CYTIP: variants seen among roughly 807,000 people sequenced by gnomAD.
CYTIP encodes the protein cytohesin 1 interacting protein.
A neutral mutation model predicts 43.8 loss-of-function variants in CYTIP; 26 were observed. The observed-to-expected ratio is 0.59, with a 90% confidence interval of 0.44 to 0.82. The LOEUF (loss-of-function observed/expected upper bound fraction) is 0.82, where lower values mean the gene tolerates loss of function less well. Among genes scored for constraint, CYTIP ranks in the 40% least tolerant of loss-of-function variants. The pLI is 0.00. For synonymous variants in CYTIP, 162 were observed against 162.9 expected, an observed-to-expected ratio of 0.99 and a Z score of 0.04; for missense variants, 426 against 443.1, an observed-to-expected ratio of 0.96 and a Z score of 0.35.
Position 157,443,906 on chromosome 2 carries a change from T to C in CYTIP, c.115A>G (p.Asn39Asp). ...TLTGSLTMDD[N>D]RRIQMLADTV... ...TCTGCTAGCATTTGAATCCTTCTAT[T>C]ATCGTCCATCGTAAGGCTGCCGGTG... Residue 39 changes from asparagine to aspartate, a missense_variant, in exon 1 of 8, where the codon AAT (asparagine) becomes GAT (aspartate). Physicochemically the swap from Asn to Asp is conservative, Grantham distance 23 (BLOSUM62 1). Coordinates refer to ENST00000264192, the MANE Select transcript of CYTIP (RefSeq NM_004288.5). 1 of 1,614,136 alleles carries C rather than the reference T, an allele frequency of 6.2e-7. No homozygotes were observed. Among genetic ancestry groups the C allele is most frequent in the Non-Finnish European group, 8.5e-7 (1 of 1,179,992 alleles).
At position 157,434,709 on chromosome 2, in the gene CYTIP, G is replaced by A; in HGVS notation, c.213C>T (p.Ser71=). The change falls in exon 2 of 8, where the codon TCC becomes TCT. Residue 71 remains serine (S), a synonymous_variant. Transcript: ENST00000264192. ...LTRSSSLSDF[S]WSQRKLVTVE... Reference sequence around the variant, plus strand: ...TTCAATCTCTTTACCTTTGAGACCAGGAAAAGTCACTTAAAGAACTTGATC... The same window carrying A: ...TTCAATCTCTTTACCTTTGAGACCAAGAAAAGTCACTTAAAGAACTTGATC... The A allele has an allele frequency of 6.2e-7, 1 of 1,610,694 alleles. No individual in the cohort carries two copies. Among genetic ancestry groups the A allele is most frequent in the Non-Finnish European group, 8.5e-7 (1 of 1,178,236 alleles).
chr2:157,439,798 T>C (rs155588), intron 1 of CYTIP, among the ~76,000 whole-genome samples: 151,176 of 152,332 alleles, frequency 0.99, 75,025 homozygotes, highest in Middle Eastern at 1. Flanking sequence ...GTTGGGCTTA[T>C]GATCACTCTT....
chr2:157,442,474 A>C (rs1685933139), intron 1 of CYTIP, among the ~76,000 whole-genome samples: 2 of 5,660 alleles, frequency 3.5e-4, no homozygotes, highest in African/African-American at 3.9e-3. Flanking sequence ...GTCTCCAGCA[A>C]AAAAAAAAAA....
chr2:157,429,978 G>A (rs998655106), intron 5 of CYTIP, among the ~76,000 whole-genome samples: 3 of 149,332 alleles, frequency 2.0e-5, no homozygotes, highest in African/African-American at 7.5e-5. Flanking sequence ...AGCCAAGATC[G>A]CGCCACTGCA....
At chr2:157,429,044 TAGG>T (rs1558939321) in intron 5 of CYTIP, among the ~76,000 whole-genome samples, 1 of 152,116 alleles carries the variant, frequency 6.6e-6, no homozygotes, top group Non-Finnish European at 1.5e-5. Context: ...CATCTATAAA[TAGG>T]AATAAAATTA....
intron 1 of CYTIP, among the ~76,000 whole-genome samples, chr2:157,441,021 G>A (rs1685899018): frequency 1.3e-5 from 2 of 152,026 alleles, no homozygotes; most frequent in Admixed American, 1.3e-4. Context: ...CAGGTAGTGA[G>A]ATAATATGCA....
chr2:157,424,112 G>A (rs537169891), intron 6 of CYTIP, among the ~76,000 whole-genome samples: 6 of 152,226 alleles, frequency 3.9e-5, no homozygotes, highest in Admixed American at 1.3e-4. Context: ...GTATGGTAGC[G>A]CCTAAGCTGT....
In CYTIP at chr2:157,440,930, T is replaced by A. The variant is rs1685897891; in HGVS notation, c.174+2917A>T. On this transcript the variant is annotated intron_variant, in intron 1 of 7. Transcript: ENST00000264192. ...GTCTCCTTCCTACCGAGCTTTCCAT[T>A]GCAAAGATTTTTTTTTTTTGTCCTA... Among the ~76,000 whole-genome samples the A allele has an allele frequency of 3.3e-5, 5 of 152,044 alleles. No individual in the cohort carries two copies. The South Asian group carries it at 1.0e-3, about 32-fold the overall frequency.
At chr2:157,429,680 T>A (rs947141518) in intron 5 of CYTIP, among the ~76,000 whole-genome samples, 21 of 152,258 alleles carry the variant, frequency 1.4e-4, no homozygotes, top group African/African-American at 4.8e-4. Flanking sequence ...CTAGTATTGT[T>A]ATGGTAGAAA....
intron 6 of CYTIP, among the ~76,000 whole-genome samples, chr2:157,424,855 G>T (rs1685579010): frequency 6.6e-6 from 1 of 152,038 alleles, no homozygotes; most frequent in Non-Finnish European, 1.5e-5. Flanking sequence ...TTGACCCACG[G>T]ATCATATTAG....
intron 5 of CYTIP, among the ~76,000 whole-genome samples, 200 bp from the exon 6 acceptor site, chr2:157,427,620 G>A (rs1299721151): frequency 2.0e-5 from 3 of 152,168 alleles, no homozygotes; most frequent in South Asian, 4.1e-4. Context: ...AAGAAAATGG[G>A]GGAAAACTCC....
chr2:157,415,608 C>T lies in CYTIP; in HGVS notation c.*69G>A, dbSNP rs989906834. 23 of 1,107,062 alleles carry T rather than the reference C, an allele frequency of 2.1e-5. No homozygotes were observed. The highest frequency in any genetic ancestry group is 2.0e-4 in the Middle Eastern group (1 of 4,900). The allele number at this position is 1,107,062 out of a possible 1,614,324, so 68.6% of individuals were successfully genotyped here. A position where few individuals can be genotyped will look rare whatever the true frequency, so the allele number is the denominator to read the frequency against. On this transcript the variant is annotated 3_prime_UTR_variant, in exon 8 of 8. Coordinates refer to ENST00000264192, the MANE Select transcript of CYTIP (RefSeq NM_004288.5). The stretch of plus-strand genomic sequence containing the variant: ...TTGCAATTCTTCTGCACTTTCCCAC[C>T]AAGCTGGGATCTGGGTGAGTCTAGA...
At chr2:157,420,739 C>CA in intron 6 of CYTIP, among the ~76,000 whole-genome samples, 1 of 147,236 alleles carries the variant, frequency 6.8e-6, no homozygotes, top group South Asian at 2.2e-4. Context: ...ATATGAAGGT[C>CA]AAAATTAGGG....
intron 1 of CYTIP, among the ~76,000 whole-genome samples, chr2:157,437,784 A>G (rs536295327): frequency 2.6e-5 from 4 of 152,020 alleles, no homozygotes; most frequent in African/African-American, 9.7e-5. Flanking sequence ...GCTCAATATC[A>G]CTCATCATTG....
chr2:157,430,461 T>A, intron 5 of CYTIP, 98 bp downstream of exon 5: 1 of 1,035,612 alleles, frequency 9.7e-7, no homozygotes, highest in Non-Finnish European at 1.5e-6. Flanking sequence ...CCTCACTCCG[T>A]CTTGTAATGC....
At position 157,434,353 on chromosome 2, in the gene CYTIP, ATG is replaced by A; in HGVS notation, c.279+15_279+16del. The stretch of plus-strand genomic sequence containing the variant: ...ACTTTCTTCCTTGGAAGTCTAGAAA[ATG>A]TGAAAATTGCCCACCTGAATTTCAA... On this transcript the variant is annotated intron_variant, in intron 3 of 7. Coordinates refer to ENST00000264192, the MANE Select transcript of CYTIP (RefSeq NM_004288.5). The A allele has an allele frequency of 1.2e-6, 2 of 1,605,004 alleles. No individual in the cohort carries two copies. The highest frequency in any genetic ancestry group is 1.7e-6 in the Non-Finnish European group (2 of 1,171,858).
In CYTIP at chr2:157,435,097, C is replaced by A. The variant is rs546288259; in HGVS notation, c.175-350G>T. Reference sequence around the variant, plus strand: ...AGAGTTAAAATAATGTGGCAAAACTCCAAAGCTTCCAAAGAGAACTTCCTC... The same window carrying A: ...AGAGTTAAAATAATGTGGCAAAACTACAAAGCTTCCAAAGAGAACTTCCTC... On this transcript the variant is annotated intron_variant, in intron 1 of 7. Coordinates refer to ENST00000264192, the MANE Select transcript of CYTIP (RefSeq NM_004288.5). 2.0e-5 allele frequency among the ~76,000 whole-genome samples: 3 copies of A among 152,158 alleles called. No homozygotes were observed. In the East Asian group the frequency reaches 5.8e-4, roughly 29 times the overall value.
intron 1 of CYTIP, among the ~76,000 whole-genome samples, chr2:157,442,023 C>G (rs1386558854): frequency 6.6e-6 from 1 of 152,136 alleles, no homozygotes; most frequent in Non-Finnish European, 1.5e-5. Flanking sequence ...TACACACTAA[C>G]CAGGTTCTCC....
intron 3 of CYTIP, 191 bp downstream of exon 3, chr2:157,434,179 C>T: frequency 1.6e-6 from 1 of 628,396 alleles, no homozygotes; most frequent in East Asian, 2.8e-5. Context: ...GTTTTGTTAT[C>T]ATCTTCAATG....
Sources: gnomAD v4.1 joint callset for allele counts (sites outside exome capture counted in the v4.1 genomes callset) on GRCh38, gnomAD v4.1.1 for gene constraint, MANE v1.5 for transcripts, NCBI Gene and HGNC (gene_info 2026-07-23, HGNC 2026-07-21) for gene names.